PKD2: variants seen among roughly 807,000 people sequenced by gnomAD.
PKD2 encodes the protein polycystin 2, transient receptor potential cation channel, also known as polycystin-2.
A neutral mutation model predicts 105.9 loss-of-function variants in PKD2; 48 were observed. The ratio of observed to expected loss-of-function variants is 0.45; its 90% CI spans 0.36 to 0.58. The LOEUF (loss-of-function observed/expected upper bound fraction) is 0.58, where lower values mean the gene tolerates loss of function less well. Ranked by LOEUF, PKD2 falls within the 20% of genes least tolerant of loss-of-function variation. The pLI is 0.00. For missense variants in PKD2, 1,078 were observed against 1,255.3 expected (o/e 0.86, Z 2.13); for synonymous variants, 464 against 481.1 (o/e 0.96, Z 0.46).
At chr4:88,069,505 T>G (rs113492968) in intron 13 of PKD2, among the ~76,000 whole-genome samples, 335 of 152,188 alleles carry the variant, frequency 2.2e-3, no homozygotes, top group African/African-American at 7.5e-3. Context: ...ACTTCAGATA[T>G]ATATTAACTG....
chr4:88,033,471 G>A (rs1317033918), intron 2 of PKD2, among the ~76,000 whole-genome samples: 4 of 151,792 alleles, frequency 2.6e-5, no homozygotes, highest in African/African-American at 9.7e-5. Context: ...TTCAAAGCTG[G>A]AAGGCATTAT....
intron 1 of PKD2, among the ~76,000 whole-genome samples, chr4:88,016,981 CAG>C (rs1726581549): frequency 6.7e-6 from 1 of 149,300 alleles, no homozygotes. Context: ...AAAAAAAAAA[CAG>C]AGACAGAAAA....
chr4:88,056,343 G>A, intron 8 of PKD2, 76 bp downstream of exon 8: 1 of 887,018 alleles, frequency 1.1e-6, no homozygotes, highest in Non-Finnish European at 1.8e-6. Flanking sequence ...CTTCATATGA[G>A]GTTGCTATAT....
At chr4:88,049,969 ATTTT>A (rs397881137) in intron 6 of PKD2, among the ~76,000 whole-genome samples, 2 of 118,532 alleles carry the variant, frequency 1.7e-5, no homozygotes, top group African/African-American at 3.7e-5. Flanking sequence ...TACAGGGTAA[ATTTT>A]TTTTTTTTTT....
chr4:88,067,838 G>T, intron 12 of PKD2, 60 bp from the exon 13 acceptor site: 2 of 1,495,226 alleles, frequency 1.3e-6, no homozygotes, highest in Non-Finnish European at 1.9e-6. Flanking sequence ...CAAGTCCTTG[G>T]TGAGGCTTCT....
In PKD2 at chr4:88,067,963, C is replaced by G; in HGVS notation, c.2424C>G (p.Ser808Arg). The G allele has an allele frequency of 1.9e-6, 3 of 1,613,772 alleles. No homozygotes were observed. Among genetic ancestry groups the G allele is most frequent in the East Asian group, 2.2e-5 (1 of 44,854 alleles). Residue 808 changes from serine (S) to arginine (R), a missense_variant, in exon 13 of 15, where the codon AGC becomes AGG. By Grantham distance (110) the Ser-to-Arg change is moderately radical. This residue lies in a region of PKD2 where 868 missense variants were observed against 1,067.3 expected (regional missense o/e 0.81). Transcript: ENST00000237596. ...TGAGCAGCCGAAGTTTCCCTCGAAGCCTGGATGACTCTGAGGAGGATGACG... is the reference window on the plus strand; with the variant it reads ...TGAGCAGCCGAAGTTTCCCTCGAAGGCTGGATGACTCTGAGGAGGATGACG... ...RPMSSRSFPR[S>R]LDDSEEDDDE...
At chr4:88,057,149 C>A (rs538660779) in intron 8 of PKD2, among the ~76,000 whole-genome samples, 8 of 151,984 alleles carry the variant, frequency 5.3e-5, no homozygotes, top group Non-Finnish European at 1.2e-4. Context: ...GCCACCATGC[C>A]TGGCCAATTT....
At chr4:88,013,723 AG>A (rs1726464278) in intron 1 of PKD2, among the ~76,000 whole-genome samples, 1 of 151,338 alleles carries the variant, frequency 6.6e-6, no homozygotes, top group Non-Finnish European at 1.5e-5. Context: ...AAAAAAAAAA[AG>A]AGAGGATCAG....
Position 88,008,136 on chromosome 4 carries a change from G to A in PKD2, c.403G>A (p.Gly135Ser), listed in dbSNP as rs886059697. Reference sequence around the variant, plus strand: ...CGCCTCCTCGGCCGTGAGCTCCGTGGGCGCGCGGAGCCGGGGGCTTGGGGG... The same window carrying A: ...CGCCTCCTCGGCCGTGAGCTCCGTGAGCGCGCGGAGCCGGGGGCTTGGGGG... ...SAASSAVSSV[G>S]ARSRGLGGYH... The change falls in exon 1 of 15, where the codon GGC becomes AGC. Residue 135 changes from glycine (G) to serine (S), a missense_variant. Around this residue, in one of 2 missense-constraint regions of PKD2, gnomAD observed 868 missense variants for 1,067.3 expected, o/e 0.81. Coordinates refer to ENST00000237596, the MANE Select transcript of PKD2 (RefSeq NM_000297.4). 1.3e-4 allele frequency: 193 copies of A among 1,488,746 alleles called. No individual in the cohort carries two copies. The highest frequency in any genetic ancestry group is 1.6e-4 in the Non-Finnish European group (181 of 1,123,592). 92.2% of individuals were successfully genotyped at this position (1,488,746 alleles called of 1,614,324 possible).
At chr4:88,008,631 TTTTG>T (rs1726278507) in intron 1 of PKD2, among the ~76,000 whole-genome samples, 1 of 151,910 alleles carries the variant, frequency 6.6e-6, no homozygotes, top group African/African-American at 2.4e-5. Context: ...TACATCTGGG[TTTTG>T]TTTTTTTTTT....
intron 12 of PKD2, 25 bp downstream of exon 12, chr4:88,065,904 A>T (rs376926131): frequency 2.3e-6 from 3 of 1,330,394 alleles, no homozygotes; most frequent in Non-Finnish European, 3.3e-6. Context: ...GGAGAACCGG[A>T]TTTGATTTGG....
intron 3 of PKD2, among the ~76,000 whole-genome samples, chr4:88,037,263 A>C (rs1727369382): frequency 6.6e-6 from 1 of 152,042 alleles, no homozygotes; most frequent in African/African-American, 2.4e-5. Flanking sequence ...AAAAAAACCC[A>C]AAAACAAACA....
At chr4:88,031,119 A>C (rs974324727) in intron 2 of PKD2, among the ~76,000 whole-genome samples, 2 of 152,208 alleles carry the variant, frequency 1.3e-5, no homozygotes, top group African/African-American at 4.8e-5. Context: ...CACAGATCCC[A>C]GTCAGCCATG....
At chr4:88,059,741 A>G (rs200641268) in intron 9 of PKD2, among the ~76,000 whole-genome samples, 9 of 142,986 alleles carry the variant, frequency 6.3e-5, no homozygotes, top group South Asian at 2.3e-4. Flanking sequence ...AGATACATAC[A>G]TACGTACATA....
intron 6 of PKD2, among the ~76,000 whole-genome samples, chr4:88,050,325 G>A (rs1254599694): frequency 1.3e-5 from 2 of 152,078 alleles, no homozygotes; most frequent in African/African-American, 2.4e-5. Flanking sequence ...CTATGTACTT[G>A]CCACTGTTCT....
intron 13 of PKD2, among the ~76,000 whole-genome samples, chr4:88,070,341 T>A (rs1440215343): frequency 2.6e-5 from 4 of 151,856 alleles, no homozygotes; most frequent in Admixed American, 2.6e-4. Context: ...TTAGAAAGTG[T>A]TTTTTCTGCT....
intron 6 of PKD2, among the ~76,000 whole-genome samples, chr4:88,048,513 C>G (rs1293227840): frequency 6.6e-6 from 1 of 152,128 alleles, no homozygotes; most frequent in Non-Finnish European, 1.5e-5. Flanking sequence ...ATGGCTAACA[C>G]TTTAGAAGCT....
intron 6 of PKD2, among the ~76,000 whole-genome samples, chr4:88,048,719 C>T (rs749210813): frequency 7.9e-5 from 12 of 152,060 alleles, no homozygotes; most frequent in Non-Finnish European, 1.3e-4. Context: ...AAGTGCATCC[C>T]GTCTTTTACG....
chr4:88,074,545 G>A (rs1334894193), intron 13 of PKD2, among the ~76,000 whole-genome samples: 1 of 152,028 alleles, frequency 6.6e-6, no homozygotes, highest in Admixed American at 6.5e-5. Flanking sequence ...TTTAGAAAAT[G>A]TTCTAAAAAT....
Sources: gnomAD v4.1 joint callset for allele counts (sites outside exome capture counted in the v4.1 genomes callset) on GRCh38, gnomAD v4.1.1 for gene constraint, gnomAD v4.1.1 regional missense constraint, MANE v1.5 for transcripts, NCBI Gene and HGNC (gene_info 2026-07-23, HGNC 2026-07-21) for gene names.